Variants in ACSL3 observed in about 807,000 individuals in gnomAD.
ACSL3 encodes acyl-CoA synthetase long chain family member 3.
ACSL3 carries 34 observed loss-of-function variants against 84.7 expected under a neutral mutation model. The ratio of observed to expected loss-of-function variants is 0.40; its 90% confidence interval spans 0.31 to 0.53. ACSL3 has a LOEUF of 0.53. Ranked by LOEUF, ACSL3 falls within the 20% of genes least tolerant of loss-of-function variation. ACSL3 has a pLI of 0.48. For missense variants in ACSL3, 680 were observed against 873.1 expected (o/e 0.78, Z 2.79); for synonymous variants, 315 against 299.4 (o/e 1.05, Z -0.54).
intron 16 of ACSL3, among the ~76,000 whole-genome samples, chr2:222,937,241 G>A (rs1241171760): frequency 6.6e-6 from 1 of 151,832 alleles, no homozygotes; most frequent in Non-Finnish European, 1.5e-5. Context: ...TATTGTTAGT[G>A]TATAGACATG....
At chr2:222,902,636 T>C (rs576647207) in intron 3 of ACSL3, among the ~76,000 whole-genome samples, 1 of 152,322 alleles carries the variant, frequency 6.6e-6, no homozygotes, top group South Asian at 2.1e-4. Context: ...AAATTAGGCA[T>C]GTGGACACAT....
At chr2:222,894,318 G>A (rs970025690) in intron 2 of ACSL3, among the ~76,000 whole-genome samples, 7 of 152,270 alleles carry the variant, frequency 4.6e-5, no homozygotes, top group African/African-American at 1.4e-4. Context: ...ATACAGAGAA[G>A]AGATCTTCCT....
chr2:222,935,901 C>G (rs1165378589), intron 16 of ACSL3, among the ~76,000 whole-genome samples: 2 of 152,144 alleles, frequency 1.3e-5, no homozygotes, highest in Non-Finnish European at 2.9e-5. Context: ...AACGGAGACA[C>G]TATACCCATT....
rs1008079438 is a variant in ACSL3, at chr2:222,942,020, G to A, written c.*366G>A. The A allele has an allele frequency of 4.8e-5, 11 of 228,008 alleles. No homozygotes were observed. The Admixed American group carries it at 5.7e-4, about 12-fold the overall frequency. 14.1% of individuals were successfully genotyped at this position (228,008 alleles called of 1,614,324 possible). On this transcript the variant is annotated 3_prime_UTR_variant, in exon 17 of 17. Coordinates refer to ENST00000357430, the MANE Select transcript of ACSL3 (RefSeq NM_004457.5). Reference sequence around the variant, plus strand: ...TTTTAAAAGTTTGGATGTATAGAGGGATAAATAGGAAATATAAGAATTGGT... The same window carrying A: ...TTTTAAAAGTTTGGATGTATAGAGGAATAAATAGGAAATATAAGAATTGGT...
At chr2:222,885,578 G>A (rs1485695031) in intron 1 of ACSL3, among the ~76,000 whole-genome samples, 2 of 151,996 alleles carry the variant, frequency 1.3e-5, no homozygotes, top group Non-Finnish European at 2.9e-5. Context: ...ATTATATATA[G>A]CACTGTTCTC....
rs1226528793 is a variant in ACSL3, at chr2:222,919,183, G to C, written c.786G>C (p.Leu262=). Reference sequence around the variant, plus strand: ...ATACCATGGCTGCAGTGGAGGCCCTGGGAGCCAAGGCCAGCATGGGTATGT... The same window carrying C: ...ATACCATGGCTGCAGTGGAGGCCCTCGGAGCCAAGGCCAGCATGGGTATGT... ...IVHTMAAVEA[L]GAKASMENQP... is the part of the protein sequence containing the mutation. Residue 262 remains leucine (L), a synonymous_variant, in exon 7 of 17, where the codon CTG becomes CTC. Coordinates refer to ENST00000357430, the MANE Select transcript of ACSL3 (RefSeq NM_004457.5). 6.2e-7 allele frequency: 1 copy of C among 1,614,058 alleles called. No individual in the cohort carries two copies. Among genetic ancestry groups the C allele is most frequent in the Non-Finnish European group, 8.5e-7 (1 of 1,179,948 alleles).
At chr2:222,915,619 T>TA (rs1198225229) in intron 4 of ACSL3, among the ~76,000 whole-genome samples, 1 of 152,246 alleles carries the variant, frequency 6.6e-6, no homozygotes, top group African/African-American at 2.4e-5. Flanking sequence ...AGGGAGTTTT[T>TA]ACTAATGCAT....
chr2:222,909,035 T>C lies in ACSL3; in HGVS notation c.263T>C (p.Leu88Ser), dbSNP rs1174405839. ...GTATTATACCCTGGATGTGATACTTTAGATAAAGTTTTTACATATGCAAAA... is the reference window on the plus strand; with the variant it reads ...GTATTATACCCTGGATGTGATACTTCAGATAAAGTTTTTACATATGCAAAA... ...ASVLYPGCDT[L>S]DKVFTYAKNK... The change falls in exon 4 of 17, where the codon TTA becomes TCA. Residue 88 changes from leucine to serine, a missense_variant. Physicochemically the swap from Leu to Ser is moderately radical, Grantham distance 145. Transcript: ENST00000357430. The C allele has an allele frequency of 1.9e-6, 3 of 1,613,492 alleles. No homozygotes were observed. Among genetic ancestry groups the C allele is most frequent in the South Asian group, 1.1e-5 (1 of 90,794 alleles).
chr2:222,878,005 TTTAA>T (rs138345127), intron 1 of ACSL3, among the ~76,000 whole-genome samples: 13,293 of 152,218 alleles, frequency 0.087, 694 homozygotes, highest in Non-Finnish European at 0.12. Context: ...GGAGAGTAAG[TTTAA>T]TTTATTCTTC....
chr2:222,942,455 T>C lies in ACSL3; in HGVS notation c.*801T>C. 1 of 192,626 alleles carries C rather than the reference T, an allele frequency of 5.2e-6. No individual in the cohort carries two copies. The highest frequency in any genetic ancestry group is 8.3e-5 in the East Asian group (1 of 12,012). 11.9% of individuals were successfully genotyped at this position (192,626 alleles called of 1,614,324 possible). On this transcript the variant is annotated 3_prime_UTR_variant, in exon 17 of 17. Transcript: ENST00000357430. ...TGTTCATCTGTTGAAACTAGGAAAA[T>C]ACCCAAACTTAAATGGAAGAATTCT... is the stretch of plus-strand genomic sequence containing the variant.
intron 2 of ACSL3, among the ~76,000 whole-genome samples, chr2:222,898,766 G>A (rs1174891319): frequency 2.0e-5 from 3 of 152,188 alleles, no homozygotes; most frequent in East Asian, 1.9e-4. Context: ...GGCGGAGCTT[G>A]CAGTGAGCCG....
chr2:222,899,042 G>A (rs548339990), intron 2 of ACSL3, among the ~76,000 whole-genome samples: 10 of 152,028 alleles, frequency 6.6e-5, no homozygotes, highest in Admixed American at 1.3e-4. Context: ...AATGCTTTAG[G>A]CAGTTTATCT....
chr2:222,907,728 T>C (rs2106116893), intron 3 of ACSL3, among the ~76,000 whole-genome samples: 1 of 150,526 alleles, frequency 6.6e-6, no homozygotes, highest in East Asian at 1.9e-4. Context: ...TCTTGTACTG[T>C]ACTCTATCCT....
At chr2:222,879,752 G>A (rs978222952) in intron 1 of ACSL3, among the ~76,000 whole-genome samples, 1 of 152,208 alleles carries the variant, frequency 6.6e-6, no homozygotes, top group Non-Finnish European at 1.5e-5. Flanking sequence ...AGTCTGCGGT[G>A]TTGGAGATGG....
At chr2:222,873,505 T>C (rs1048993492) in intron 1 of ACSL3, among the ~76,000 whole-genome samples, 1 of 152,248 alleles carries the variant, frequency 6.6e-6, no homozygotes, top group Non-Finnish European at 1.5e-5. Context: ...GCTTTAAGTT[T>C]TTCTTCTAAG....
chr2:222,943,170 GTAGTGTGTGTTTGGTTGCATCA>G lies in ACSL3; in HGVS notation c.*1517_*1538del. 1 of 226,256 alleles carries G rather than the reference GTAGTGTGTGTTTGGTTGCATCA, an allele frequency of 4.4e-6. No homozygotes were observed. Among genetic ancestry groups the G allele is most frequent in the Non-Finnish European group, 8.8e-6 (1 of 113,756 alleles). 14.0% of individuals were successfully genotyped at this position (226,256 alleles called of 1,614,324 possible). On this transcript the variant is annotated 3_prime_UTR_variant, in exon 17 of 17. Coordinates refer to ENST00000357430, the MANE Select transcript of ACSL3 (RefSeq NM_004457.5). ...GAGTGTTAGGAGCAGCCAGGACTGTGTAGTGTGTGTTTGGTTGCATCACAAACATCGTATGTGGAGACATTGC... is the reference window on the plus strand; with the variant it reads ...GAGTGTTAGGAGCAGCCAGGACTGTGCAAACATCGTATGTGGAGACATTGC...
chr2:222,907,374 G>A (rs1394369482), intron 3 of ACSL3, among the ~76,000 whole-genome samples: 2 of 152,218 alleles, frequency 1.3e-5, no homozygotes, highest in African/African-American at 4.8e-5. Flanking sequence ...GGTGAAAAAT[G>A]CTGGCTGCTT....
chr2:222,941,366 C>G, intron 16 of ACSL3, 131 bp from the exon 17 acceptor site: 4 of 660,278 alleles, frequency 6.1e-6, no homozygotes, highest in South Asian at 4.7e-5. Flanking sequence ...GGAATAGATT[C>G]TTTAGAAGTG....
intron 1 of ACSL3, among the ~76,000 whole-genome samples, chr2:222,868,969 CA>C (rs113574316): frequency 0.026 from 2,965 of 114,672 alleles, 61 homozygotes; most frequent in African/African-American, 0.068. Flanking sequence ...GACGCTGTCT[CA>C]AAAAAAAAAA....
Sources: gnomAD v4.1 joint callset for allele counts (sites outside exome capture counted in the v4.1 genomes callset) on GRCh38, gnomAD v4.1.1 for gene constraint, MANE v1.5 for transcripts, NCBI Gene and HGNC (gene_info 2026-07-23, HGNC 2026-07-21) for gene names.